The following FBLN2 variants were observed in gnomAD, a reference collection of about 807,000 sequenced individuals.
FBLN2 encodes fibulin 2, also known as fibulin-2.
FBLN2 carries 81 observed loss-of-function variants against 123.7 expected under a neutral mutation model. That is an observed-to-expected ratio of 0.65 (90% CI 0.55 to 0.79). The LOEUF is 0.79. Ranked by LOEUF, FBLN2 falls within the 30% of genes least tolerant of loss-of-function variation. FBLN2 has a pLI of 0.00. For synonymous variants in FBLN2, 699 were observed against 701.4 expected, an observed-to-expected ratio of 1.00 and a Z score of 0.05; for missense variants, 1,603 against 1,681.3, an observed-to-expected ratio of 0.95 and a Z score of 0.81.
At chr3:13,610,473 C>T (rs1385648007) in intron 4 of FBLN2, among the ~76,000 whole-genome samples, 1 of 152,194 alleles carries the variant, frequency 6.6e-6, no homozygotes, top group East Asian at 1.9e-4. Context: ...AACACACAGG[C>T]GAGGACGTTG....
intron 1 of FBLN2, among the ~76,000 whole-genome samples, chr3:13,557,804 A>G (rs1703501016): frequency 6.6e-6 from 1 of 152,246 alleles, no homozygotes; most frequent in African/African-American, 2.4e-5. Context: ...CACTGTGCAG[A>G]TGAAAGCATT....
At chr3:13,612,859 T>G (rs1264541888) in intron 4 of FBLN2, among the ~76,000 whole-genome samples, 3 of 152,230 alleles carry the variant, frequency 2.0e-5, no homozygotes, top group African/African-American at 7.2e-5. Context: ...CAGTTAGCTG[T>G]TGCTGGGTAA....
intron 4 of FBLN2, among the ~76,000 whole-genome samples, chr3:13,613,052 G>A (rs1321765215): frequency 2.6e-5 from 4 of 152,176 alleles, no homozygotes; most frequent in Non-Finnish European, 5.9e-5. Context: ...GGCCTTGGCT[G>A]GGATGACTTG....
At chr3:13,617,900 A>G (rs1382115479) in intron 5 of FBLN2, among the ~76,000 whole-genome samples, 176 bp from the exon 6 acceptor site, 2 of 144,314 alleles carry the variant, frequency 1.4e-5, no homozygotes, top group Non-Finnish European at 3.0e-5. Flanking sequence ...CTATCCATCC[A>G]TCTATCCACC....
chr3:13,597,701 G>A (rs3773277), intron 2 of FBLN2, among the ~76,000 whole-genome samples: 52,919 of 152,146 alleles, frequency 0.35, 9,276 homozygotes, highest in South Asian at 0.4. Flanking sequence ...TGGGTGTGGC[G>A]CCTTCTGCTT....
At chr3:13,570,030 G>C (rs1462378289) in intron 1 of FBLN2, among the ~76,000 whole-genome samples, 2 of 152,140 alleles carry the variant, frequency 1.3e-5, no homozygotes, top group African/African-American at 4.8e-5. Flanking sequence ...TCAGAATGCA[G>C]GTGAGGATGG....
At chr3:13,558,209 G>A (rs540393284) in intron 1 of FBLN2, among the ~76,000 whole-genome samples, 7 of 152,232 alleles carry the variant, frequency 4.6e-5, no homozygotes, top group Admixed American at 1.3e-4. Context: ...GGCCGGCCCC[G>A]CCTGCCTGTC....
chr3:13,617,769 C>A (rs1198243494), intron 5 of FBLN2, among the ~76,000 whole-genome samples: 2 of 135,378 alleles, frequency 1.5e-5, no homozygotes, highest in Non-Finnish European at 3.2e-5. Flanking sequence ...CCTACCCATC[C>A]ACCCACCCAT....
rs1417910111 is a variant in FBLN2 at position 13,621,901 on chromosome 3, A to G, written c.2282A>G (p.His761Arg). 1 of 1,613,198 alleles carries G rather than the reference A, an allele frequency of 6.2e-7. No individual in the cohort carries two copies. Among genetic ancestry groups the G allele is most frequent in the East Asian group, 2.2e-5 (1 of 44,832 alleles). ...GCCGATGGCTATATCCTCAATGCGC[A>G]CAGGAAGTGCGTGGGTAAGCCAGGG... ...LCADGYILNA[H>R]RKCVDINECV... Residue 761 changes from histidine to arginine, a missense_variant, in exon 9 of 18, where the codon CAC becomes CGC. By Grantham distance (29) the His-to-Arg change is conservative. Coordinates refer to ENST00000404922, the MANE Select transcript of FBLN2 (RefSeq NM_001004019.2).
chr3:13,600,889 T>C (rs985480853), intron 2 of FBLN2, among the ~76,000 whole-genome samples: 3 of 152,230 alleles, frequency 2.0e-5, no homozygotes, highest in Admixed American at 6.5e-5. Context: ...GTGCTGGGAT[T>C]ACAGGCGTGA....
intron 2 of FBLN2, among the ~76,000 whole-genome samples, chr3:13,595,459 C>A (rs572097822): frequency 6.6e-6 from 1 of 152,146 alleles, no homozygotes; most frequent in African/African-American, 2.4e-5. Flanking sequence ...TTCTGTCTGT[C>A]CATTTTACAG....
At chr3:13,579,762 A>G (rs1291357235) in intron 2 of FBLN2, among the ~76,000 whole-genome samples, 2 of 152,346 alleles carry the variant, frequency 1.3e-5, no homozygotes, top group East Asian at 1.9e-4. Flanking sequence ...GAGCATCTCT[A>G]CACCATGCCC....
Position 13,636,465 on chromosome 3 carries a change from G to A in FBLN2, c.3235G>A (p.Gly1079Ser), listed in dbSNP as rs774962909. 7 of 1,613,628 alleles carry A rather than the reference G, an allele frequency of 4.3e-6. No homozygotes were observed. Among genetic ancestry groups the A allele is most frequent in the Non-Finnish European group, 5.9e-6 (7 of 1,179,794 alleles). ...SCKDVDECAL[G>S]THNCSEAETC... is the part of the protein sequence containing the mutation. Reference sequence around the variant, plus strand: ...CCCAGACGTGGATGAGTGTGCACTGGGTACCCACAACTGTTCCGAGGCTGA... The same window carrying A: ...CCCAGACGTGGATGAGTGTGCACTGAGTACCCACAACTGTTCCGAGGCTGA... Residue 1079 changes from glycine (G) to serine (S), a missense_variant, in exon 17 of 18, where the codon GGT (glycine) becomes AGT (serine). Coordinates refer to ENST00000404922, the MANE Select transcript of FBLN2 (RefSeq NM_001004019.2).
chr3:13,608,997 G>T (rs1705298156), intron 3 of FBLN2, among the ~76,000 whole-genome samples: 1 of 152,364 alleles, frequency 6.6e-6, no homozygotes, highest in South Asian at 2.1e-4. Context: ...GGGCTAAGCG[G>T]TCCTAGTGCA....
intron 1 of FBLN2, among the ~76,000 whole-genome samples, chr3:13,566,885 G>T (rs939329070): frequency 3.4e-4 from 52 of 152,238 alleles, no homozygotes; most frequent in African/African-American, 1.2e-3. Context: ...GATAATGCTG[G>T]TGGGCCCCCG....
At chr3:13,566,710 G>A (rs1424313375) in intron 1 of FBLN2, among the ~76,000 whole-genome samples, 4 of 152,248 alleles carry the variant, frequency 2.6e-5, no homozygotes, top group African/African-American at 9.6e-5. Flanking sequence ...GGGAACCTGG[G>A]AGCTCACACC....
At chr3:13,614,569 A>T (rs1053659277) in intron 5 of FBLN2, among the ~76,000 whole-genome samples, 33 of 139,940 alleles carry the variant, frequency 2.4e-4, no homozygotes, top group African/African-American at 1.0e-3. Flanking sequence ...CCTCTATCCC[A>T]TCATCTGTCC....
intron 9 of FBLN2, among the ~76,000 whole-genome samples, chr3:13,623,427 G>A (rs951846335): frequency 6.6e-6 from 1 of 152,174 alleles, no homozygotes; most frequent in African/African-American, 2.4e-5. Flanking sequence ...GAGCTCACAT[G>A]CATTCCTTTC....
rs554002278 is a variant in FBLN2, at chr3:13,592,639, A to G, written c.1307-15423A>G. ...ACATGATATATCCCCCTATTTATTCAGGTTGTTTTTATTTTCTTTTGGGAG... is the reference window on the plus strand; with the variant it reads ...ACATGATATATCCCCCTATTTATTCGGGTTGTTTTTATTTTCTTTTGGGAG... On this transcript the variant is annotated intron_variant, in intron 2 of 17. Coordinates refer to ENST00000404922, the MANE Select transcript of FBLN2 (RefSeq NM_001004019.2). Among the ~76,000 whole-genome samples, 13 of 152,196 alleles carry G rather than the reference A, an allele frequency of 8.5e-5. No individual in the cohort carries two copies. The South Asian group carries it at 2.7e-3, about 32-fold the overall frequency.
Sources: allele counts gnomAD v4.1 joint callset (sites outside exome capture counted in the v4.1 genomes callset), GRCh38; gene constraint gnomAD v4.1.1; transcripts MANE v1.5; gene names NCBI Gene and HGNC (gene_info 2026-07-23, HGNC 2026-07-21).